DIAPH3: variants seen among roughly 807,000 people sequenced by gnomAD.
DIAPH3 encodes the protein protein diaphanous homolog 3.
DIAPH3 carries 117 observed loss-of-function variants against 144.3 expected under a neutral mutation model. That is an observed-to-expected ratio of 0.81 (90% CI 0.70 to 0.95). The LOEUF (loss-of-function observed/expected upper bound fraction) is 0.95. Among genes scored for constraint, DIAPH3 ranks in the 40% least tolerant of loss-of-function variants. The pLI, the probability that DIAPH3 is intolerant of heterozygous loss-of-function variation, is 0.00. For synonymous variants in DIAPH3, 519 were observed against 488.9 expected (o/e 1.06, Z -0.81); for missense variants, 1,421 against 1,412.7 (o/e 1.01, Z -0.09).
At position 59,816,623 on chromosome 13, in the gene DIAPH3, A is replaced by G. The variant is rs145291975; in HGVS notation, c.3028-5700T>C. On this transcript the variant is annotated intron_variant, in intron 24 of 27. Transcript: ENST00000400324. ...CACTTTTTCTTTCATTTAATCTTTC[A>G]TATCCCTCCTTCTGGTTTCTCTAGG... 8.5e-3 allele frequency among the ~76,000 whole-genome samples: 1,285 copies of G among 151,762 alleles called. 11 individuals are homozygous for G. The highest frequency in any genetic ancestry group is 0.012 in the Admixed American group (178 of 15,220).
chr13:59,852,641 C>T (rs2043043161), intron 22 of DIAPH3, among the ~76,000 whole-genome samples: 1 of 152,166 alleles, frequency 6.6e-6, no homozygotes. Context: ...GAGCTGTACA[C>T]TTATGATCCT....
At chr13:59,942,142 A>T (rs2048567910) in intron 17 of DIAPH3, among the ~76,000 whole-genome samples, 1 of 152,192 alleles carries the variant, frequency 6.6e-6, no homozygotes, top group Non-Finnish European at 1.5e-5. Flanking sequence ...GATAACCATT[A>T]TACAGATTTC....
At chr13:59,721,600 G>A (rs763910632) in intron 27 of DIAPH3, among the ~76,000 whole-genome samples, 3 of 152,164 alleles carry the variant, frequency 2.0e-5, no homozygotes, top group Non-Finnish European at 4.4e-5. Context: ...AGAAATGAGT[G>A]TAATAGCCCT....
rs779778070 is a variant in DIAPH3, at chr13:59,920,552, G to GTA, written c.2170+4221_2170+4222dup. ...TGTGTGCGTGTATATACATATATAT[G>GTA]TATATATATATATAATTTGTATCCA... On this transcript the variant is annotated intron_variant, in intron 18 of 27. Coordinates refer to ENST00000400324, the MANE Select transcript of DIAPH3 (RefSeq NM_001042517.2). 1.1e-3 allele frequency among the ~76,000 whole-genome samples: 158 copies of GTA among 149,990 alleles called. No homozygotes were observed. In the East Asian group the frequency reaches 0.022, roughly 21 times the overall value.
chr13:60,011,070 A>C (rs186248295), intron 7 of DIAPH3, among the ~76,000 whole-genome samples: 48 of 152,098 alleles, frequency 3.2e-4, no homozygotes, highest in African/African-American at 1.1e-3. Context: ...ACGCCATTGC[A>C]CTCCAGCCTG....
In DIAPH3 at chr13:59,886,291, T is replaced by C. The variant is rs147623430; in HGVS notation, c.2368-6823A>G. 6.8e-3 allele frequency among the ~76,000 whole-genome samples: 1,036 copies of C among 152,226 alleles called. 21 individuals carry two copies. The highest frequency in any genetic ancestry group is 4.9e-3 in the Non-Finnish European group (334 of 67,988). ...AAACTATTTGATACAAAGAACATCA[T>C]TGAATATCAAATGATGGTATTTTTG... is the stretch of plus-strand genomic sequence containing the variant. On this transcript the variant is annotated intron_variant, in intron 20 of 27. Transcript: ENST00000400324.
intron 7 of DIAPH3, among the ~76,000 whole-genome samples, chr13:60,011,111 A>T (rs760782758): frequency 4.6e-5 from 7 of 152,158 alleles, no homozygotes; most frequent in Non-Finnish European, 1.0e-4. Flanking sequence ...GTCTCAAAAA[A>T]AAAATAAAAT....
At chr13:59,911,457 T>C (rs2046991910) in intron 20 of DIAPH3, among the ~76,000 whole-genome samples, 2 of 152,352 alleles carry the variant, frequency 1.3e-5, no homozygotes, top group African/African-American at 4.8e-5. Context: ...TCTTAAGAAG[T>C]ACAGTTTTTA....
At chr13:60,031,462 A>G (rs1456065477) in intron 5 of DIAPH3, among the ~76,000 whole-genome samples, 3 of 152,160 alleles carry the variant, frequency 2.0e-5, no homozygotes, top group Non-Finnish European at 4.4e-5. Flanking sequence ...TCAAATTGCA[A>G]AATGTGATCA....
chr13:59,845,456 G>A (rs532965475), intron 22 of DIAPH3, among the ~76,000 whole-genome samples: 1 of 152,248 alleles, frequency 6.6e-6, no homozygotes, highest in African/African-American at 2.4e-5. Context: ...CAGACAATCA[G>A]TAAAGCTGCC....
intron 13 of DIAPH3, among the ~76,000 whole-genome samples, chr13:59,982,677 T>C (rs2051093750): frequency 6.6e-6 from 1 of 151,628 alleles, no homozygotes; most frequent in African/African-American, 2.4e-5. Flanking sequence ...AAACAGTAGT[T>C]ACAATGTGGA....
At chr13:59,728,066 CAA>C (rs35223359) in intron 27 of DIAPH3, among the ~76,000 whole-genome samples, 16 of 147,950 alleles carry the variant, frequency 1.1e-4, no homozygotes, top group Admixed American at 2.0e-4. Flanking sequence ...GACAGGGCAT[CAA>C]AAAAAAAAAC....
chr13:60,037,144 CA>C (rs993672430), intron 5 of DIAPH3, among the ~76,000 whole-genome samples: 6 of 75,634 alleles, frequency 7.9e-5, no homozygotes, highest in Admixed American at 2.9e-4. Flanking sequence ...AGTATAATAA[CA>C]AAAAAAAAAT....
chr13:60,157,601 A>T (rs531963702), intron 1 of DIAPH3, among the ~76,000 whole-genome samples: 17 of 152,166 alleles, frequency 1.1e-4, no homozygotes, highest in Non-Finnish European at 1.8e-4. Context: ...GTCTCCATTG[A>T]TTCCTTTTTC....
At chr13:59,802,440 AATT>A (rs1430086623) in intron 25 of DIAPH3, among the ~76,000 whole-genome samples, 21 of 151,350 alleles carry the variant, frequency 1.4e-4, no homozygotes, top group African/African-American at 2.2e-4. Flanking sequence ...TTTACTTATC[AATT>A]ATTATTTATT....
At chr13:60,087,174 C>T (rs910474619) in intron 4 of DIAPH3, among the ~76,000 whole-genome samples, 10 of 152,120 alleles carry the variant, frequency 6.6e-5, no homozygotes, top group African/African-American at 2.4e-4. Context: ...ATATTTTCAA[C>T]CTACGGTTAG....
At chr13:59,873,206 A>G (rs984988567) in intron 21 of DIAPH3, among the ~76,000 whole-genome samples, 6 of 152,162 alleles carry the variant, frequency 3.9e-5, no homozygotes, top group Non-Finnish European at 8.8e-5. Flanking sequence ...TTGGCCCATA[A>G]CTGCTTTACT....
At chr13:60,067,769 T>C (rs1040664552) in intron 4 of DIAPH3, among the ~76,000 whole-genome samples, 1 of 152,194 alleles carries the variant, frequency 6.6e-6, no homozygotes, top group Admixed American at 6.6e-5. Context: ...TATATTTATC[T>C]GATTTTTTTC....
At chr13:60,107,721 G>C (rs997428881) in intron 3 of DIAPH3, among the ~76,000 whole-genome samples, 2 of 152,122 alleles carry the variant, frequency 1.3e-5, no homozygotes, top group African/African-American at 4.8e-5. Flanking sequence ...CCCAGTAAAA[G>C]AATAGAACAT....
Sources: gnomAD v4.1 joint callset for allele counts (sites outside exome capture counted in the v4.1 genomes callset) on GRCh38, gnomAD v4.1.1 for gene constraint, MANE v1.5 for transcripts, NCBI Gene and HGNC (gene_info 2026-07-23, HGNC 2026-07-21) for gene names.